The following FAN1 variants were observed in gnomAD, a reference collection of about 807,000 sequenced individuals.
The protein encoded by FAN1 is fanconi-associated nuclease 1.
Under a neutral mutation model 104.9 loss-of-function variants are expected in FAN1, and 91 were observed. The ratio of observed to expected loss-of-function variants is 0.87; its 90% confidence interval spans 0.73 to 1.03. The LOEUF (loss-of-function observed/expected upper bound fraction) is 1.03, where lower values mean the gene tolerates loss of function less well. Ranked by LOEUF, FAN1 falls within the 50% of genes least tolerant of loss-of-function variation. The pLI, the probability that FAN1 is intolerant of heterozygous loss-of-function variation, is 0.00. For missense variants in FAN1, 1,263 were observed against 1,239.9 expected (o/e 1.02, Z -0.28); for synonymous variants, 478 against 457.6 (o/e 1.04, Z -0.57).
Position 30,929,312 on chromosome 15 carries a change from G to T in FAN1, c.2702G>T (p.Trp901Leu), listed in dbSNP as rs761303137. ...GCCCCCGAGGAGAGCCTGCGGGCCT[G>T]GGTGGCAGCCACGTGGCATGAGCAG... ...HDAPEESLRA[W>L]VAATWHEQEG... Residue 901 changes from tryptophan (W) to leucine (L), a missense_variant, in exon 12 of 15, where the codon TGG becomes TTG. Physicochemically the swap from Trp to Leu is moderately conservative, Grantham distance 61. Around this residue, in one of 2 missense-constraint regions of FAN1, gnomAD observed 581 missense variants for 668.8 expected, o/e 0.87. Transcript: ENST00000362065. 4 of 1,612,686 alleles carry T rather than the reference G, an allele frequency of 2.5e-6. No individual in the cohort carries two copies. The South Asian group carries it at 4.4e-5, about 18-fold the overall frequency.
chr15:30,931,926 A>C (rs2062720464), intron 13 of FAN1, among the ~76,000 whole-genome samples: 3 of 151,810 alleles, frequency 2.0e-5, no homozygotes, highest in African/African-American at 4.8e-5. Context: ...TCCAAGAAAA[A>C]AAAAAGCCAG....
chr15:30,925,185 T>G lies in FAN1; in HGVS notation c.2231T>G (p.Leu744Arg), dbSNP rs1238522403. The G allele has an allele frequency of 1.9e-6, 3 of 1,613,934 alleles. No individual in the cohort carries two copies. In the Admixed American group the frequency reaches 5.0e-5, roughly 27 times the overall value. The change falls in exon 9 of 15, where the codon CTT (leucine) becomes CGT (arginine). Residue 744 changes from leucine (L) to arginine (R), a missense_variant. Transcript: ENST00000362065. ...CCGGAAGTCAGAACGGGACACCGCC[T>G]TTCACTGTATCAGCGAGCCGTGCGC... ...ADPEVRTGHR[L>R]SLYQRAVRLR...
intron 14 of FAN1, chr15:30,941,288 A>ACATCTCT: frequency 6.6e-7 from 1 of 1,508,748 alleles, no homozygotes. Context: ...AACAAAATTT[A>ACATCTCT]CATCTCTCTT....
intron 11 of FAN1, 77 bp from the exon 12 acceptor site, chr15:30,929,126 G>C (rs898924170): frequency 7.7e-7 from 1 of 1,292,886 alleles, no homozygotes. Context: ...TCCAAGTTTT[G>C]TATGTACTGA....
chr15:30,931,413 G>A (rs73381372), intron 13 of FAN1, among the ~76,000 whole-genome samples: 1 of 152,272 alleles, frequency 6.6e-6, no homozygotes, highest in African/African-American at 2.4e-5. Flanking sequence ...CTTTTGAAGA[G>A]CAGAGGTTTC....
chr15:30,904,701 C>G lies in FAN1; in HGVS notation c.38C>G (p.Pro13Arg), dbSNP rs770014670. The change falls in exon 2 of 15, where the codon CCT (proline) becomes CGT (arginine). Residue 13 changes from proline to arginine, a missense_variant. Physicochemically the swap from Pro to Arg is moderately radical, Grantham distance 103. Around this residue, in one of 2 missense-constraint regions of FAN1, gnomAD observed 682 missense variants for 571.1 expected, o/e 1.19. Transcript: ENST00000362065. ...GGGAAACCTCCTGACAAAAAAAGGC[C>G]TCGTAGAAGCTTATCAATCAGCAAG... The part of the protein sequence containing the change: ...SEGKPPDKKR[P>R]RRSLSISKNK... 6.2e-7 allele frequency: 1 copy of G among 1,605,350 alleles called. No homozygotes were observed. The highest frequency in any genetic ancestry group is 1.1e-5 in the South Asian group (1 of 90,248).
intron 14 of FAN1, chr15:30,940,711 G>A: frequency 1.0e-6 from 1 of 988,656 alleles, no homozygotes; most frequent in Non-Finnish European, 1.2e-6. Context: ...TCCTGGCTAT[G>A]AAGCTTAGTA....
At position 30,929,779 on chromosome 15, in the gene FAN1, T is replaced by TAA. The variant is rs1285472396; in HGVS notation, c.2787+382_2787+383insAA. The stretch of plus-strand genomic sequence containing the variant: ...TATAATATATAAAATATATAATATA[T>TAA]TATATCATATATAATATAATATATA... On this transcript the variant is annotated intron_variant, in intron 12 of 14. Transcript: ENST00000362065. Among the ~76,000 whole-genome samples the TAA allele has an allele frequency of 4.0e-4, 9 of 22,734 alleles. 1 individual carries two copies. The highest frequency in any genetic ancestry group is 1.6e-3 in the South Asian group (1 of 626). 14.9% of individuals were successfully genotyped at this position (22,734 alleles called of 152,430 possible).
intron 10 of FAN1, among the ~76,000 whole-genome samples, 160 bp downstream of exon 10, chr15:30,926,099 A>G (rs774296221): frequency 1.3e-5 from 2 of 152,186 alleles, no homozygotes; most frequent in Non-Finnish European, 2.9e-5. Context: ...CCCCTTATCA[A>G]TGATAAGGAG....
In FAN1 at chr15:30,905,775, G is replaced by T. The variant is rs746358859; in HGVS notation, c.1112G>T (p.Gly371Val). The T allele has an allele frequency of 6.2e-7, 1 of 1,614,052 alleles. No homozygotes were observed. Among genetic ancestry groups the T allele is most frequent in the East Asian group, 2.2e-5 (1 of 44,900 alleles). Reference sequence around the variant, plus strand: ...TGCAATGGTCCTGGTCAAACAACCGGTCATCCTTACTACCTTCGGAGTTTC... The same window carrying T: ...TGCAATGGTCCTGGTCAAACAACCGTTCATCCTTACTACCTTCGGAGTTTC... ...SSCNGPGQTTGHPYYLRSFLV... is the reference protein window; with the variant it reads ...SSCNGPGQTTVHPYYLRSFLV... Residue 371 changes from glycine (G) to valine (V), a missense_variant, in exon 2 of 15, where the codon GGT (glycine) becomes GTT (valine). Gly to Val is a moderately radical substitution (Grantham distance 109). This residue lies in a region of FAN1 where 682 missense variants were observed against 571.1 expected (regional missense o/e 1.19). Transcript: ENST00000362065.
chr15:30,928,261 A>G, intron 10 of FAN1: 1 of 1,177,454 alleles, frequency 8.5e-7, no homozygotes, highest in Non-Finnish European at 1.0e-6. Context: ...CATGTTTCTT[A>G]GGTTATTCAC....
At chr15:30,933,484 C>T (rs769945235) in intron 13 of FAN1, among the ~76,000 whole-genome samples, 1 of 152,148 alleles carries the variant, frequency 6.6e-6, no homozygotes, top group Non-Finnish European at 1.5e-5. Flanking sequence ...ATTCAGAGGA[C>T]ATATTTTGTA....
Position 30,920,412 on chromosome 15 carries a change from T to G in FAN1, c.1944-133T>G, listed in dbSNP as rs141074960. The G allele has an allele frequency of 5.5e-4, 354 of 642,314 alleles. No individual in the cohort carries two copies. In the African/African-American group the frequency reaches 6.2e-3, roughly 11 times the overall value. 39.8% of individuals were successfully genotyped at this position (642,314 alleles called of 1,614,324 possible). A position where few individuals can be genotyped will look rare whatever the true frequency, so the allele number is the denominator to read the frequency against. On this transcript the variant is annotated intron_variant, in intron 6 of 14. Transcript: ENST00000362065. ...GAATGTAGGTTTGTGGTGTAGAAAA[T>G]TGTACACAACTGAAAGTATTTAGAA... is the stretch of plus-strand genomic sequence containing the variant.
chr15:30,905,840 A>G lies in FAN1; in HGVS notation c.1177A>G (p.Met393Val), dbSNP rs115139636. 1,379 of 1,613,998 alleles carry G rather than the reference A, an allele frequency of 8.5e-4. 12 individuals carry two copies. The African/African-American group carries it at 0.017, about 20-fold the overall frequency. Residue 393 changes from methionine (M) to valine (V), a missense_variant, in exon 2 of 15, where the codon ATG (methionine) becomes GTG (valine). By Grantham distance (21) the Met-to-Val change is conservative. Coordinates refer to ENST00000362065, the MANE Select transcript of FAN1 (RefSeq NM_014967.5). ...AACCGTACTTGAGAATGAAGATGAT[A>G]TGTTGCTCTTTGATGAGCAGGAGAA... The part of the protein sequence containing the change: ...LKTVLENEDD[M>V]LLFDEQEKGI...
At chr15:30,920,437 A>C (rs2062299637) in intron 6 of FAN1, 108 bp from the exon 7 acceptor site, 1 of 751,462 alleles carries the variant, frequency 1.3e-6, no homozygotes, top group Non-Finnish European at 2.3e-6. Flanking sequence ...AGTATTTAGA[A>C]TATACCTTTT....
chr15:30,941,681 T>A lies in FAN1; in HGVS notation c.*119T>A, dbSNP rs200560796. The A allele has an allele frequency of 1.2e-6, 2 of 1,613,718 alleles. No homozygotes were observed. Among genetic ancestry groups the A allele is most frequent in the African/African-American group, 1.3e-5 (1 of 75,050 alleles). ...CATCCTGCTCTGGCCCAGCTCCCCATAGCAGGCCTCCAGGGGGCCACTGCG... is the reference window on the plus strand; with the variant it reads ...CATCCTGCTCTGGCCCAGCTCCCCAAAGCAGGCCTCCAGGGGGCCACTGCG... On this transcript the variant is annotated 3_prime_UTR_variant, in exon 15 of 15. Coordinates refer to ENST00000362065, the MANE Select transcript of FAN1 (RefSeq NM_014967.5).
intron 13 of FAN1, among the ~76,000 whole-genome samples, chr15:30,935,957 C>G (rs1158575477): frequency 6.6e-6 from 1 of 151,972 alleles, no homozygotes; most frequent in Non-Finnish European, 1.5e-5. Context: ...TGATTTTCTT[C>G]AATCTTTGGG....
chr15:30,927,894 TTCTG>T, intron 10 of FAN1: 1 of 985,740 alleles, frequency 1.0e-6, no homozygotes, highest in African/African-American at 1.7e-5. Flanking sequence ...AGCACCTGAC[TTCTG>T]TCTCTCAGGT....
rs1455643629 is a variant in FAN1, at chr15:30,904,624, T to G, written c.-40T>G. On this transcript the variant is annotated 5_prime_UTR_variant, in exon 2 of 15. Coordinates refer to ENST00000362065, the MANE Select transcript of FAN1 (RefSeq NM_014967.5). The stretch of plus-strand genomic sequence containing the variant: ...TTGCTATCTTTCACCTTAAATATCC[T>G]GTGTTTTATTGCTCAGAACATCCAG... 1 of 1,593,790 alleles carries G rather than the reference T, an allele frequency of 6.3e-7. No homozygotes were observed. The highest frequency in any genetic ancestry group is 8.6e-7 in the Non-Finnish European group (1 of 1,164,922).
Sources: gnomAD v4.1 joint callset for allele counts (sites outside exome capture counted in the v4.1 genomes callset) on GRCh38, gnomAD v4.1.1 for gene constraint, gnomAD v4.1.1 regional missense constraint, MANE v1.5 for transcripts, NCBI Gene and HGNC (gene_info 2026-07-23, HGNC 2026-07-21) for gene names.